Variants in C3orf38 observed in about 807,000 individuals in gnomAD.
C3orf38 encodes uncharacterized protein C3orf38.
A neutral mutation model predicts 28.3 loss-of-function variants in C3orf38; 18 were observed. The ratio of observed to expected loss-of-function variants is 0.64; its 90% CI spans 0.44 to 0.94. The LOEUF is 0.94. Among genes scored for constraint, C3orf38 ranks in the 40% least tolerant of loss-of-function variants. C3orf38 has a pLI of 0.00. For synonymous variants in C3orf38, 145 were observed against 138.1 expected, an observed-to-expected ratio of 1.05 and a Z score of -0.35; for missense variants, 364 against 396.4, an observed-to-expected ratio of 0.92 and a Z score of 0.69.
At chr3:88,154,543 C>T (rs866716607) in intron 2 of C3orf38, among the ~76,000 whole-genome samples, 2 of 152,252 alleles carry the variant, frequency 1.3e-5, no homozygotes, top group Middle Eastern at 3.4e-3. Context: ...AAACTACATA[C>T]CACATTTTTT....
Position 88,155,700 on chromosome 3 carries a change from G to A in C3orf38, c.376-321G>A, listed in dbSNP as rs188225746. 2.5e-3 allele frequency among the ~76,000 whole-genome samples: 381 copies of A among 151,846 alleles called. 1 individual carries two copies. Among genetic ancestry groups the A allele is most frequent in the African/African-American group, 8.9e-3 (368 of 41,396 alleles). ...TCTCAAACTCCTGACCTCACCATCC[G>A]CCTGCCTCCTCCTCCCAAAGTGCTG... On this transcript the variant is annotated intron_variant, in intron 2 of 2. Coordinates refer to ENST00000318887, the MANE Select transcript of C3orf38 (RefSeq NM_173824.4).
chr3:88,154,816 A>T (rs1410502008), intron 2 of C3orf38, among the ~76,000 whole-genome samples: 1 of 152,098 alleles, frequency 6.6e-6, no homozygotes, highest in Admixed American at 6.6e-5. Flanking sequence ...TGTGGAACAC[A>T]TGGATGAATG....
chr3:88,150,267 A>AT, intron 1 of C3orf38, 82 bp downstream of exon 1: 2 of 1,522,514 alleles, frequency 1.3e-6, no homozygotes, highest in South Asian at 2.3e-5. Flanking sequence ...ATCCTCGGGA[A>AT]TGTTGGCCGC....
At chr3:88,152,618 C>T (rs958314536) in intron 1 of C3orf38, among the ~76,000 whole-genome samples, 6 of 151,726 alleles carry the variant, frequency 4.0e-5, no homozygotes, top group South Asian at 2.1e-4. Context: ...AGCTGGGCGT[C>T]GTGGCAGGCG....
At chr3:88,153,158 A>C in intron 1 of C3orf38, 72 bp from the exon 2 acceptor site, 2 of 1,389,080 alleles carry the variant, frequency 1.4e-6, no homozygotes, top group East Asian at 4.7e-5. Flanking sequence ...TATTTGATAG[A>C]GTTTCTGCCC....
chr3:88,150,451 A>T (rs1404006925), intron 1 of C3orf38, among the ~76,000 whole-genome samples: 1 of 152,216 alleles, frequency 6.6e-6, no homozygotes, highest in East Asian at 1.9e-4. Flanking sequence ...TAAAAATTTT[A>T]AAAAATTTTC....
intron 2 of C3orf38, 79 bp downstream of exon 2, chr3:88,153,550 A>G (rs1433968186): frequency 1.3e-5 from 19 of 1,471,806 alleles, no homozygotes; most frequent in Non-Finnish European, 1.7e-5. Flanking sequence ...TGTGGGGAAC[A>G]TGGTTAATAA....
intron 1 of C3orf38, among the ~76,000 whole-genome samples, chr3:88,152,110 G>A (rs1294407017): frequency 6.6e-6 from 1 of 152,100 alleles, no homozygotes; most frequent in African/African-American, 2.4e-5. Context: ...ATATTCTTTG[G>A]TCTTGTATTT....
chr3:88,155,673 G>T (rs976581337), intron 2 of C3orf38, among the ~76,000 whole-genome samples: 1 of 151,728 alleles, frequency 6.6e-6, no homozygotes, highest in Non-Finnish European at 1.5e-5. Context: ...TGGCCAGGCT[G>T]GTCTCAAACT....
chr3:88,155,149 C>T (rs1707462268), intron 2 of C3orf38, among the ~76,000 whole-genome samples: 2 of 152,064 alleles, frequency 1.3e-5, no homozygotes, highest in Admixed American at 1.3e-4. Context: ...CATGAACCAC[C>T]ACGCCCAGCT....
Position 88,153,240 on chromosome 3 carries a change from T to C in C3orf38, c.144T>C (p.His48=). The C allele has an allele frequency of 6.2e-7, 1 of 1,609,712 alleles. No individual in the cohort carries two copies. Among genetic ancestry groups the C allele is most frequent in the Non-Finnish European group, 8.5e-7 (1 of 1,178,820 alleles). Reference sequence around the variant, plus strand: ...GCAATTTCTTTCTAGATGCTGTTCATGCAATATTAGCATACAGTCAAAGTG... The same window carrying C: ...GCAATTTCTTTCTAGATGCTGTTCACGCAATATTAGCATACAGTCAAAGTG... ...VQPQDRQDAV[H]AILAYSQSAE... is the part of the protein sequence containing the mutation. The change falls in exon 2 of 3, where the codon CAT becomes CAC. Residue 48 remains histidine, a synonymous_variant. Coordinates refer to ENST00000318887, the MANE Select transcript of C3orf38 (RefSeq NM_173824.4).
chr3:88,155,306 C>T (rs1383789924), intron 2 of C3orf38, among the ~76,000 whole-genome samples: 5 of 151,984 alleles, frequency 3.3e-5, no homozygotes, highest in African/African-American at 1.2e-4. Context: ...CATTTATATG[C>T]AAAATGCATC....
In C3orf38 at chr3:88,150,001, T is replaced by C; in HGVS notation, c.-52T>C. On this transcript the variant is annotated 5_prime_UTR_variant, in exon 1 of 3. Transcript: ENST00000318887. ...TGTCTGTTGCCAGGCGCGGGCCCAG[T>C]GGGCCGTAGGGGCGACATTGTTGCC... 6.2e-7 allele frequency: 1 copy of C among 1,610,634 alleles called. No homozygotes were observed. Among genetic ancestry groups the C allele is most frequent in the Non-Finnish European group, 8.5e-7 (1 of 1,178,298 alleles).
At position 88,149,982 on chromosome 3, in the gene C3orf38, T is replaced by G. The variant is rs1192189976; in HGVS notation, c.-71T>G. The G allele has an allele frequency of 2.5e-6, 4 of 1,596,766 alleles. No individual in the cohort carries two copies. The highest frequency in any genetic ancestry group is 3.4e-6 in the Non-Finnish European group (4 of 1,166,206). On this transcript the variant is annotated 5_prime_UTR_variant, in exon 1 of 3. Transcript: ENST00000318887. The stretch of plus-strand genomic sequence containing the variant: ...ACAAGAAAGGCACTTCCGGTGTCTG[T>G]TGCCAGGCGCGGGCCCAGTGGGCCG...
At chr3:88,155,476 T>C (rs1338136444) in intron 2 of C3orf38, among the ~76,000 whole-genome samples, 4 of 150,504 alleles carry the variant, frequency 2.7e-5, no homozygotes, top group South Asian at 2.1e-4. Flanking sequence ...TTTTTTTTTT[T>C]CACACGGAGT....
rs757933856 is a variant in C3orf38 at position 88,156,068 on chromosome 3, A to G, written c.423A>G (p.Leu141=). 2.6e-6 allele frequency: 4 copies of G among 1,567,840 alleles called. No individual in the cohort carries two copies. Among genetic ancestry groups the G allele is most frequent in the Non-Finnish European group, 3.4e-6 (4 of 1,160,766 alleles). Residue 141 remains leucine (L), a synonymous_variant, in exon 3 of 3, where the codon CTA becomes CTG. Transcript: ENST00000318887. Reference sequence around the variant, plus strand: ...CTGAAAAAGTTGATTTTCGTCGCCTAGGAGAAGAATTCTGTCATTGGTTCT... The same window carrying G: ...CTGAAAAAGTTGATTTTCGTCGCCTGGGAGAAGAATTCTGTCATTGGTTCT... ...KKAEKVDFRR[L]GEEFCHWFFG... is the part of the protein sequence containing the mutation.
chr3:88,156,927 T>G lies in C3orf38; in HGVS notation c.*292T>G, dbSNP rs145577723. The G allele has an allele frequency of 1.4e-4, 41 of 293,078 alleles. No individual in the cohort carries two copies. The highest frequency in any genetic ancestry group is 7.4e-4 in the African/African-American group (34 of 46,074). The allele number at this position is 293,078 out of a possible 1,614,324, so 18.2% of individuals were successfully genotyped here. On this transcript the variant is annotated 3_prime_UTR_variant, in exon 3 of 3. Coordinates refer to ENST00000318887, the MANE Select transcript of C3orf38 (RefSeq NM_173824.4). ...TCCCACTTTAGATCTTACAGCTAAC[T>G]GTGTGCCTTAGAAACCAGGTAATAT...
intron 2 of C3orf38, 75 bp downstream of exon 2, chr3:88,153,546 G>A: frequency 6.7e-7 from 1 of 1,501,128 alleles, no homozygotes; most frequent in Non-Finnish European, 9.0e-7. Context: ...AGATTGTGGG[G>A]AACATGGTTA....
In C3orf38 at chr3:88,149,985, C is replaced by T. The variant is rs369382652; in HGVS notation, c.-68C>T. On this transcript the variant is annotated 5_prime_UTR_variant, in exon 1 of 3. Coordinates refer to ENST00000318887, the MANE Select transcript of C3orf38 (RefSeq NM_173824.4). ...AGAAAGGCACTTCCGGTGTCTGTTG[C>T]CAGGCGCGGGCCCAGTGGGCCGTAG... 17 of 1,600,590 alleles carry T rather than the reference C, an allele frequency of 1.1e-5. No individual in the cohort carries two copies. The highest frequency in any genetic ancestry group is 6.7e-5 in the South Asian group (6 of 90,190).
Sources: gnomAD v4.1 joint callset for allele counts (sites outside exome capture counted in the v4.1 genomes callset) on GRCh38, gnomAD v4.1.1 for gene constraint, MANE v1.5 for transcripts, NCBI Gene and HGNC (gene_info 2026-07-23, HGNC 2026-07-21) for gene names.